The following GPHN variants were observed in gnomAD, a reference collection of about 807,000 sequenced individuals.
GPHN encodes gephyrin.
Under a neutral mutation model 95.5 loss-of-function variants are expected in GPHN, and 17 were observed. That is an observed-to-expected ratio of 0.18 (90% CI 0.12 to 0.27). GPHN has a LOEUF of 0.27. Among genes scored for constraint, GPHN ranks in the 10% least tolerant of loss-of-function variants. The probability of loss-of-function intolerance (pLI) is 1.00; values close to 1 mark genes in which losing one functional copy is unlikely to be tolerated. For missense variants in GPHN, 660 were observed against 978.1 expected (o/e 0.67, Z 4.34); for synonymous variants, 320 against 322.5 (o/e 0.99, Z 0.08).
At chr14:67,226,915 C>T in the GPHN span, among the ~76,000 whole-genome samples, 3 of 152,230 alleles carry the variant, frequency 2.0e-5, no homozygotes, top group South Asian at 2.1e-4. Context: ...CACGTGCTGG[C>T]TCCTACATCC....
the GPHN span, among the ~76,000 whole-genome samples, chr14:67,435,392 A>T: frequency 6.6e-6 from 1 of 152,104 alleles, no homozygotes; most frequent in East Asian, 1.9e-4. Context: ...ATCACCTTTT[A>T]AAAGCCCCTC....
intron 18 of GPHN, among the ~76,000 whole-genome samples, chr14:67,143,760 C>T (rs1393742054): frequency 6.6e-6 from 1 of 152,024 alleles, no homozygotes; most frequent in African/African-American, 2.4e-5. Context: ...ATATTTACCA[C>T]CAGGGTAAAA....
At chr14:67,090,713 T>C (rs372780259) in intron 12 of GPHN, among the ~76,000 whole-genome samples, 31 of 152,204 alleles carry the variant, frequency 2.0e-4, no homozygotes, top group African/African-American at 7.2e-4. Flanking sequence ...GTTATCTTTT[T>C]ATGTTGGAGA....
intron 11 of GPHN, among the ~76,000 whole-genome samples, chr14:67,081,134 G>T (rs2076679483): frequency 6.6e-6 from 1 of 152,190 alleles, no homozygotes. Flanking sequence ...CCAGTAGTGG[G>T]ATTGCTGGAT....
the GPHN span, among the ~76,000 whole-genome samples, chr14:67,341,966 T>G: frequency 6.6e-6 from 1 of 151,778 alleles, no homozygotes; most frequent in African/African-American, 2.4e-5. Context: ...TGTGCTTTGT[T>G]AAACAGATGC....
the GPHN span, among the ~76,000 whole-genome samples, chr14:67,240,497 C>T: frequency 9.2e-5 from 14 of 152,286 alleles, no homozygotes; most frequent in South Asian, 6.2e-4. Context: ...CATAGTTTGG[C>T]CTCATAGAAG....
intron 2 of GPHN, among the ~76,000 whole-genome samples, chr14:66,702,081 T>C (rs1403509934): frequency 6.6e-6 from 1 of 152,114 alleles, no homozygotes; most frequent in Non-Finnish European, 1.5e-5. Flanking sequence ...CCTCACTGGG[T>C]GGGGCTTCCC....
chr14:67,102,832 G>T (rs552107724), intron 13 of GPHN, among the ~76,000 whole-genome samples: 67 of 152,154 alleles, frequency 4.4e-4, no homozygotes, highest in Non-Finnish European at 9.7e-4. Flanking sequence ...GATGCCAATG[G>T]TGTTGACACT....
At chr14:67,724,723 T>G in the GPHN span, 2 of 751,910 alleles carry the variant, frequency 2.7e-6, no homozygotes, top group East Asian at 5.4e-5. Context: ...GAACCTGGGA[T>G]TCAAGTCCAA....
chr14:66,583,994 G>A (rs1327703023), intron 1 of GPHN, among the ~76,000 whole-genome samples: 8 of 152,144 alleles, frequency 5.3e-5, no homozygotes, highest in South Asian at 4.2e-4. Flanking sequence ...CCATTTTCAC[G>A]ATACTGATTC....
At chr14:66,566,738 A>G (rs1016380992) in intron 1 of GPHN, among the ~76,000 whole-genome samples, 2 of 152,148 alleles carry the variant, frequency 1.3e-5, no homozygotes, top group Non-Finnish European at 2.9e-5. Context: ...GTGTTTATTT[A>G]CACCTAAATA....
the GPHN span, among the ~76,000 whole-genome samples, chr14:67,474,914 C>CTTTTTTTT: frequency 1.6e-5 from 2 of 124,956 alleles, no homozygotes; most frequent in African/African-American, 3.1e-5. Context: ...GAATTTCCTT[C>CTTTTTTTT]TTTTTTTTTT....
chr14:67,684,241 T>C, the GPHN span, among the ~76,000 whole-genome samples: 1 of 152,194 alleles, frequency 6.6e-6, no homozygotes, highest in Non-Finnish European at 1.5e-5. Flanking sequence ...CTTAATGCTA[T>C]TTTCAGCTAC....
the GPHN span, among the ~76,000 whole-genome samples, chr14:67,496,789 T>TCTTG: frequency 6.0e-3 from 307 of 51,164 alleles, 4 homozygotes; most frequent in African/African-American, 0.014. Flanking sequence ...CTCATTTCTG[T>TCTTG]CTTTCTTTCT....
At chr14:67,332,316 C>G in the GPHN span, among the ~76,000 whole-genome samples, 3 of 152,166 alleles carry the variant, frequency 2.0e-5, no homozygotes, top group Admixed American at 2.0e-4. Flanking sequence ...TTTTAACTCT[C>G]TGCAGCAGAT....
intron 3 of GPHN, among the ~76,000 whole-genome samples, chr14:66,788,065 C>T (rs2059843394): frequency 6.6e-6 from 1 of 152,188 alleles, no homozygotes; most frequent in East Asian, 1.9e-4. Flanking sequence ...TGCAGTGGCA[C>T]AGTCCTGTAA....
chr14:66,714,383 T>C (rs1404315135), intron 2 of GPHN, among the ~76,000 whole-genome samples: 2 of 152,240 alleles, frequency 1.3e-5, no homozygotes, highest in Non-Finnish European at 2.9e-5. Flanking sequence ...TTATCAGTTC[T>C]AGGAGCTTTC....
At chr14:66,768,495 T>G (rs986683894) in intron 2 of GPHN, among the ~76,000 whole-genome samples, 1 of 151,990 alleles carries the variant, frequency 6.6e-6, no homozygotes, top group Non-Finnish European at 1.5e-5. Context: ...TTCAATATTC[T>G]GCAGGAAAAG....
At chr14:66,558,290 G>A (rs1378150536) in intron 1 of GPHN, among the ~76,000 whole-genome samples, 3 of 151,956 alleles carry the variant, frequency 2.0e-5, no homozygotes, top group Non-Finnish European at 4.4e-5. Context: ...TTTATTTTCA[G>A]GAATGACATA....
Sources: gnomAD v4.1 joint callset for allele counts (sites outside exome capture counted in the v4.1 genomes callset) on GRCh38, gnomAD v4.1.1 for gene constraint, MANE v1.5 for transcripts, NCBI Gene and HGNC (gene_info 2026-07-23, HGNC 2026-07-21) for gene names.